The following EPX variants were observed in gnomAD, a reference collection of about 807,000 sequenced individuals.
EPX encodes eosinophil peroxidase.
EPX carries 60 observed loss-of-function variants against 73.0 expected under a neutral mutation model. The observed-to-expected ratio is 0.82, with a 90% CI of 0.67 to 1.02. The LOEUF (loss-of-function observed/expected upper bound fraction) is 1.02. EPX is among the 50% of genes least tolerant of loss of function. The probability of loss-of-function intolerance (pLI) is 0.00; values close to 1 mark genes in which losing one functional copy is unlikely to be tolerated. For missense variants in EPX, 950 were observed against 973.9 expected (o/e 0.98, Z 0.33); for synonymous variants, 347 against 389.2 (o/e 0.89, Z 1.28).
At position 58,200,300 on chromosome 17, in the gene EPX, ATGAGC is replaced by A. The variant is rs1220383931; in HGVS notation, c.1615_1619del (p.Glu539ProfsTer50). 5.6e-6 allele frequency: 9 copies of A among 1,614,220 alleles called. No homozygotes were observed. Among genetic ancestry groups the A allele is most frequent in the Non-Finnish European group, 6.8e-6 (8 of 1,180,042 alleles). Reference sequence around the variant, plus strand: ...AACCGTCAGGATGCCATGTTAGTGGATGAGCTCCGGGACCGGCTGTTTCGGCAAGT... The same window carrying A: ...AACCGTCAGGATGCCATGTTAGTGGATCCGGGACCGGCTGTTTCGGCAAGT... On this transcript the variant is annotated frameshift_variant, in exon 10 of 13. Coordinates refer to ENST00000225371, the MANE Select transcript of EPX (RefSeq NM_000502.6). LOFTEE classifies it high-confidence loss of function.
intron 6 of EPX, among the ~76,000 whole-genome samples, 188 bp downstream of exon 6, chr17:58,195,358 G>T (rs1315987339): frequency 2.0e-5 from 3 of 152,224 alleles, no homozygotes; most frequent in Non-Finnish European, 2.9e-5. Flanking sequence ...GAGAGGTGGG[G>T]GTAGGGCAAT....
chr17:58,196,851 G>C (rs902260039), intron 6 of EPX, 88 bp from the exon 7 acceptor site: 7 of 1,084,218 alleles, frequency 6.5e-6, no homozygotes, highest in Non-Finnish European at 9.9e-6. Flanking sequence ...GGAGTTTTAA[G>C]CAAGGTTTTG....
At chr17:58,194,193 T>C (rs990010735) in intron 5 of EPX, 101 bp downstream of exon 5, 24 of 1,192,570 alleles carry the variant, frequency 2.0e-5, no homozygotes, top group Non-Finnish European at 2.9e-5. Context: ...CCCAGGCCCT[T>C]CCACTGACCA....
chr17:58,200,111 A>T, intron 9 of EPX, 114 bp from the exon 10 acceptor site: 2 of 996,922 alleles, frequency 2.0e-6, no homozygotes, highest in Non-Finnish European at 3.2e-6. Context: ...GACAAACGTT[A>T]CTAACATACC....
rs1475952671 is a variant in EPX at position 58,193,997 on chromosome 17, C to G, written c.499C>G (p.Leu167Val). The stretch of plus-strand genomic sequence containing the variant: ...CTTGCTAGGGGCCTCCAACCAGGCT[C>G]TGGCTCGCTGGCTGCCCGCCGAGTA... ...RPLLGASNQA[L>V]ARWLPAEYED... The change falls in exon 5 of 13, where the codon CTG (leucine) becomes GTG (valine). Residue 167 changes from leucine to valine, a missense_variant. Coordinates refer to ENST00000225371, the MANE Select transcript of EPX (RefSeq NM_000502.6). 2 of 1,613,058 alleles carry G rather than the reference C, an allele frequency of 1.2e-6. No individual in the cohort carries two copies.
In EPX at chr17:58,200,221, C is replaced by T; in HGVS notation, c.1538-4C>T. ...TCTGTGCTGCTCACATTCCCTGCCA[C>T]CAGGGGGCATCGACCCCATCCTCCG... On this transcript the variant is annotated splice_region_variant and splice_polypyrimidine_tract_variant and intron_variant, in intron 9 of 12. Coordinates refer to ENST00000225371, the MANE Select transcript of EPX (RefSeq NM_000502.6). The T allele has an allele frequency of 2.5e-6, 4 of 1,613,962 alleles. No homozygotes were observed. Among genetic ancestry groups the T allele is most frequent in the East Asian group, 2.2e-5 (1 of 44,880 alleles).
intron 6 of EPX, among the ~76,000 whole-genome samples, chr17:58,195,566 TG>T (rs1335775306): frequency 2.0e-5 from 3 of 152,166 alleles, no homozygotes; most frequent in African/African-American, 7.2e-5. Flanking sequence ...GGGCTTGGGC[TG>T]TAAGTAGGGT....
chr17:58,195,830 AC>A (rs1477303215), intron 6 of EPX, among the ~76,000 whole-genome samples: 3 of 152,010 alleles, frequency 2.0e-5, no homozygotes, highest in African/African-American at 7.2e-5. Flanking sequence ...CCCTGTTGCA[AC>A]CTTATCTATT....
Position 58,195,155 on chromosome 17 carries a change from CT to C in EPX, c.787del (p.Cys263AlafsTer140). On this transcript the variant is annotated frameshift_variant, in exon 6 of 13. Coordinates refer to ENST00000225371, the MANE Select transcript of EPX (RefSeq NM_000502.6). LOFTEE classifies it high-confidence loss of function. ...AGAGGACCTGCGCCCAGCTGCCCCC[CT>C]GCTTTCCCATCAAGGTACCTACCCT... ...CERTCAQLPP[C>X]FPIKIPPNDP... 6.2e-7 allele frequency: 1 copy of C among 1,613,826 alleles called. No homozygotes were observed. The highest frequency in any genetic ancestry group is 8.5e-7 in the Non-Finnish European group (1 of 1,179,808).
At chr17:58,201,701 T>C (rs181631678) in intron 10 of EPX, among the ~76,000 whole-genome samples, 107 of 152,362 alleles carry the variant, frequency 7.0e-4, no homozygotes, top group African/African-American at 2.3e-3. Context: ...GTTCCTTCAG[T>C]TGGGCCTTTG....
intron 7 of EPX, among the ~76,000 whole-genome samples, chr17:58,198,404 T>C (rs568985789): frequency 6.6e-6 from 1 of 152,178 alleles, no homozygotes; most frequent in Non-Finnish European, 1.5e-5. Flanking sequence ...TACATTTGTG[T>C]GTCCTGGAAA....
rs567848038 is a variant in EPX, at chr17:58,203,931, C to CAAAAAAAAAA, written c.1947-261_1947-252dup. Among the ~76,000 whole-genome samples, 7 of 15,778 alleles carry CAAAAAAAAAA rather than the reference C, an allele frequency of 4.4e-4. 1 individual carries two copies. Among genetic ancestry groups the CAAAAAAAAAA allele is most frequent in the African/African-American group, 1.0e-3 (5 of 4,800 alleles). The allele number at this position is 15,778 out of a possible 152,430, so 10.4% of individuals were successfully genotyped here. ...TGGGCGACAGAGCGAGACTCCGTCT[C>CAAAAAAAAAA]AAAAAAAAAAAAAAAAAAAAAAAAA... On this transcript the variant is annotated intron_variant, in intron 11 of 12. Coordinates refer to ENST00000225371, the MANE Select transcript of EPX (RefSeq NM_000502.6).
intron 4 of EPX, 52 bp from the exon 5 acceptor site, chr17:58,193,911 G>T: frequency 6.2e-7 from 1 of 1,612,044 alleles, no homozygotes. Context: ...CCTCCATGCT[G>T]AGCCATCTCC....
Position 58,193,798 on chromosome 17 carries a change from AGTACC to A in EPX, c.433_437del (p.Tyr145HisfsTer30). The A allele has an allele frequency of 6.2e-7, 1 of 1,613,494 alleles. No homozygotes were observed. The highest frequency in any genetic ancestry group is 8.5e-7 in the Non-Finnish European group (1 of 1,179,810). On this transcript the variant is annotated frameshift_variant, in exon 4 of 13. Coordinates refer to ENST00000225371, the MANE Select transcript of EPX (RefSeq NM_000502.6). LOFTEE classifies it high-confidence loss of function. The stretch of plus-strand genomic sequence containing the variant: ...GACCAGGCCGAGCGCTGCAGCGACA[AGTACC>A]GCACCATCACTGGACGGTGCAACAA...
intron 5 of EPX, among the ~76,000 whole-genome samples, chr17:58,194,393 C>T: frequency 6.6e-6 from 1 of 152,142 alleles, no homozygotes; most frequent in East Asian, 1.9e-4. Context: ...AAATTAGTGT[C>T]AAAGTCTTGC....
In EPX at chr17:58,193,034, A is replaced by T. The variant is rs567617940; in HGVS notation, c.77-4A>T. ...GAACCCTGAGTCCCCATCTCTTTGA[A>T]CAGCCTCCCCTGGGGCAGTGGAGAC... On this transcript the variant is annotated splice_polypyrimidine_tract_variant and splice_region_variant and intron_variant, in intron 1 of 12. Transcript: ENST00000225371. 33 of 1,610,100 alleles carry T rather than the reference A, an allele frequency of 2.0e-5. No individual in the cohort carries two copies. The South Asian group carries it at 3.4e-4, about 17-fold the overall frequency.
At position 58,192,885 on chromosome 17, in the gene EPX, A is replaced by C. The variant is rs1217481246; in HGVS notation, c.39A>C (p.Thr13=). Residue 13 remains threonine, a synonymous_variant, in exon 1 of 13, where the codon ACA becomes ACC. Transcript: ENST00000225371. ...CAGCCCTGGCAGGGGTCCTGGCCAC[A>C]CTCGTCCTCGCCCAGCCCTGTGAGG... ...LLPALAGVLA[T]LVLAQPCEGT... The C allele has an allele frequency of 6.2e-7, 1 of 1,613,952 alleles. No homozygotes were observed. The highest frequency in any genetic ancestry group is 8.5e-7 in the Non-Finnish European group (1 of 1,179,950).
intron 8 of EPX, 47 bp downstream of exon 8, chr17:58,199,247 T>C: frequency 6.3e-7 from 1 of 1,592,554 alleles, no homozygotes; most frequent in Non-Finnish European, 8.6e-7. Context: ...AAGCTTGGCA[T>C]GAGAAGCAGT....
At position 58,204,799 on chromosome 17, in the gene EPX, G is replaced by T. The variant is rs1234453748; in HGVS notation, c.*75G>T. The T allele has an allele frequency of 7.4e-6, 2 of 271,302 alleles. No individual in the cohort carries two copies. The highest frequency in any genetic ancestry group is 1.4e-5 in the Non-Finnish European group (2 of 139,406). 16.8% of individuals were successfully genotyped at this position (271,302 alleles called of 1,614,324 possible). A position where few individuals can be genotyped will look rare whatever the true frequency, so the allele number is the denominator to read the frequency against. On this transcript the variant is annotated 3_prime_UTR_variant, in exon 13 of 13. Transcript: ENST00000225371. ...AAGGGGAGGACCATGAGGCTGCCTT[G>T]TCTCCCTGGAGCAAGTGCAGGCTGC... is the stretch of plus-strand genomic sequence containing the variant.
Sources: allele counts gnomAD v4.1 joint callset (sites outside exome capture counted in the v4.1 genomes callset), GRCh38; gene constraint gnomAD v4.1.1; transcripts MANE v1.5; gene names NCBI Gene and HGNC (gene_info 2026-07-23, HGNC 2026-07-21).